The following GRIP1 variants were observed in gnomAD, a reference collection of about 807,000 sequenced individuals.
GRIP1 encodes the protein glutamate receptor interacting protein 1.
In GRIP1, 45 loss-of-function variants were observed where a neutral mutation model predicts 129.9. The observed-to-expected ratio is 0.35, with a 90% CI of 0.27 to 0.44. The LOEUF is 0.44. Ranked by LOEUF, GRIP1 falls within the 20% of genes least tolerant of loss-of-function variation. The pLI is 1.00. For synonymous variants in GRIP1, 530 were observed against 520.8 expected (o/e 1.02, Z -0.24); for missense variants, 1,196 against 1,396.8 (o/e 0.86, Z 2.29).
intron 1 of GRIP1, among the ~76,000 whole-genome samples, chr12:66,823,702 C>T (rs2039360492): frequency 1.3e-5 from 2 of 151,912 alleles, no homozygotes; most frequent in Non-Finnish European, 2.9e-5. Context: ...AATCATTTCT[C>T]TATACAAATG....
intron 2 of GRIP1, among the ~76,000 whole-genome samples, chr12:66,552,616 C>G (rs1057470699): frequency 6.6e-6 from 1 of 152,118 alleles, no homozygotes; most frequent in Non-Finnish European, 1.5e-5. Context: ...TCAGACTCAT[C>G]ATACAGTAAT....
intron 15 of GRIP1, among the ~76,000 whole-genome samples, chr12:66,414,957 A>AATAAATAAAATAAAATAAAATAAAAT: frequency 6.8e-6 from 1 of 148,086 alleles, no homozygotes; most frequent in African/African-American, 2.5e-5. Flanking sequence ...AATAAAATAA[A>AATAAATAAAATAAAATAAAATAAAAT]ATAAAATAAA....
intron 5 of GRIP1, among the ~76,000 whole-genome samples, chr12:66,525,673 C>T (rs2061205974): frequency 6.6e-6 from 1 of 151,900 alleles, no homozygotes; most frequent in Admixed American, 6.6e-5. Context: ...GTTGGAAGTT[C>T]TGGCCAGGGC....
intron 1 of GRIP1, among the ~76,000 whole-genome samples, chr12:66,802,285 T>C (rs1266079466): frequency 6.6e-6 from 1 of 152,138 alleles, no homozygotes; most frequent in Non-Finnish European, 1.5e-5. Context: ...TATTACATAA[T>C]GGGTATGTTC....
intron 5 of GRIP1, among the ~76,000 whole-genome samples, chr12:66,524,120 G>A (rs575839317): frequency 8.5e-5 from 13 of 152,148 alleles, no homozygotes; most frequent in East Asian, 5.8e-4. Context: ...ACAGATCAAC[G>A]AGACAGAAAG....
chr12:66,797,989 CA>C (rs150880336), intron 1 of GRIP1, among the ~76,000 whole-genome samples: 12,245 of 152,116 alleles, frequency 0.08, 669 homozygotes, highest in Admixed American at 0.15. Flanking sequence ...CAGTTTTGAT[CA>C]ATCAATAATG....
intron 1 of GRIP1, among the ~76,000 whole-genome samples, chr12:66,835,379 T>G (rs1257648522): frequency 6.6e-6 from 1 of 152,244 alleles, no homozygotes; most frequent in Non-Finnish European, 1.5e-5. Flanking sequence ...TGCACATGGA[T>G]GTTTATATCA....
chr12:66,613,812 T>C (rs914416590), intron 1 of GRIP1, among the ~76,000 whole-genome samples: 12 of 152,176 alleles, frequency 7.9e-5, no homozygotes, highest in Non-Finnish European at 5.9e-5. Context: ...AGGTTTCTTC[T>C]GTGCAAGGAT....
At chr12:66,814,932 C>T (rs1003123036) in intron 1 of GRIP1, among the ~76,000 whole-genome samples, 2 of 152,066 alleles carry the variant, frequency 1.3e-5, no homozygotes, top group African/African-American at 4.8e-5. Context: ...AACTCACTCA[C>T]TATCACAAGA....
intron 9 of GRIP1, among the ~76,000 whole-genome samples, chr12:66,461,895 A>T (rs1565764233): frequency 2.0e-5 from 3 of 152,132 alleles, no homozygotes; most frequent in Admixed American, 1.3e-4. Context: ...TGACAATACT[A>T]GTGAGGCCTC....
At chr12:66,387,319 G>T (rs902468653) in intron 19 of GRIP1, among the ~76,000 whole-genome samples, 2 of 152,230 alleles carry the variant, frequency 1.3e-5, no homozygotes, top group African/African-American at 2.4e-5. Context: ...AATGAGGCAG[G>T]ATAGCAGAGA....
rs74100509 is a variant in GRIP1 at position 66,591,285 on chromosome 12, C to A, written c.136+5562G>T. On this transcript the variant is annotated intron_variant, in intron 2 of 24. Coordinates refer to ENST00000359742, the MANE Select transcript of GRIP1 (RefSeq NM_001366722.1). ...TCTGTAAAGAAGCAATGTAATTTAG[C>A]TACTTTCTTAAATATTCAGTAATTT... Among the ~76,000 whole-genome samples, 639 of 152,260 alleles carry A rather than the reference C, an allele frequency of 4.2e-3. 3 individuals are homozygous for A. Among genetic ancestry groups the A allele is most frequent in the African/African-American group, 0.014 (598 of 41,546 alleles).
intron 1 of GRIP1, among the ~76,000 whole-genome samples, chr12:66,791,342 G>A (rs77659328): frequency 0.011 from 1,676 of 152,312 alleles, 10 homozygotes; most frequent in Middle Eastern, 0.024. Flanking sequence ...AGAGAGGTGC[G>A]ATTTGGGAAT....
chr12:66,896,822 T>C (rs1294756280), intron 1 of GRIP1, among the ~76,000 whole-genome samples: 1 of 152,196 alleles, frequency 6.6e-6, no homozygotes, highest in Non-Finnish European at 1.5e-5. Flanking sequence ...GAAACAAGAA[T>C]TAAGAAGATA....
chr12:66,488,224 T>C (rs2060008972), intron 7 of GRIP1, among the ~76,000 whole-genome samples: 1 of 152,188 alleles, frequency 6.6e-6, no homozygotes, highest in African/African-American at 2.4e-5. Flanking sequence ...ATTACATAAT[T>C]GGAAGTAAAA....
At chr12:66,716,562 T>C (rs907386585) in intron 1 of GRIP1, among the ~76,000 whole-genome samples, 2 of 151,910 alleles carry the variant, frequency 1.3e-5, no homozygotes, top group African/African-American at 4.8e-5. Context: ...CTTTAAGTTT[T>C]AGGGTACATG....
intron 1 of GRIP1, among the ~76,000 whole-genome samples, chr12:66,979,247 A>AAAC (rs1245175755): frequency 6.8e-6 from 1 of 147,210 alleles, no homozygotes; most frequent in African/African-American, 2.6e-5. Flanking sequence ...AAAAAAAAAA[A>AAAC]AAAAAAACAA....
chr12:66,669,384 T>C (rs2136227772), intron 1 of GRIP1, among the ~76,000 whole-genome samples: 1 of 146,950 alleles, frequency 6.8e-6, no homozygotes, highest in African/African-American at 2.5e-5. Flanking sequence ...TGAGACTCTG[T>C]CTCAATAAAT....
chr12:66,401,362 G>T (rs374480454), intron 16 of GRIP1, among the ~76,000 whole-genome samples: 5 of 151,816 alleles, frequency 3.3e-5, no homozygotes, highest in African/African-American at 1.2e-4. Context: ...CAGCTCACCT[G>T]AGGTCAGGAG....
Sources: gnomAD v4.1 joint callset for allele counts (sites outside exome capture counted in the v4.1 genomes callset) on GRCh38, gnomAD v4.1.1 for gene constraint, MANE v1.5 for transcripts, NCBI Gene and HGNC (gene_info 2026-07-23, HGNC 2026-07-21) for gene names.